The following USP45 variants were observed in gnomAD, a reference collection of about 807,000 sequenced individuals.
USP45 encodes ubiquitin carboxyl-terminal hydrolase 45.
A neutral mutation model predicts 95.8 loss-of-function variants in USP45; 89 were observed. The ratio of observed to expected loss-of-function variants is 0.93; its 90% confidence interval spans 0.78 to 1.11. The LOEUF (loss-of-function observed/expected upper bound fraction) is 1.11, where lower values mean the gene tolerates loss of function less well. Ranked by LOEUF, USP45 falls within the 50% of genes least tolerant of loss-of-function variation. USP45 has a pLI of 0.00. For synonymous variants in USP45, 281 were observed against 316.2 expected, an observed-to-expected ratio of 0.89 and a Z score of 1.18; for missense variants, 898 against 942.5, an observed-to-expected ratio of 0.95 and a Z score of 0.62.
rs541154052 is a variant in USP45 at position 99,482,584 on chromosome 6, G to A, written c.845+169C>T. On this transcript the variant is annotated intron_variant, in intron 8 of 17. Coordinates refer to ENST00000500704, the MANE Select transcript of USP45 (RefSeq NM_001346022.3). ...ATGAGGATAAGCTGCTTCTTCTGAG[G>A]ACTGAGATATAATTTTCATAAAGCA... 3.0e-5 allele frequency: 16 copies of A among 540,514 alleles called. No homozygotes were observed. In the East Asian group the frequency reaches 5.1e-4, roughly 17 times the overall value. The allele number at this position is 540,514 out of a possible 1,614,324, so 33.5% of individuals were successfully genotyped here. A position where few individuals can be genotyped will look rare whatever the true frequency, so the allele number is the denominator to read the frequency against.
intron 15 of USP45, among the ~76,000 whole-genome samples, chr6:99,441,835 T>C (rs564869022): frequency 7.2e-5 from 11 of 152,350 alleles, no homozygotes; most frequent in African/African-American, 2.6e-4. Context: ...ATTTTTCTTA[T>C]TGATCTTTAA....
At chr6:99,448,156 A>G (rs1288145673) in intron 13 of USP45, among the ~76,000 whole-genome samples, 1 of 152,250 alleles carries the variant, frequency 6.6e-6, no homozygotes, top group Non-Finnish European at 1.5e-5. Flanking sequence ...AAAGGAACAC[A>G]GCTCCTCGCC....
rs1374979036 is a variant in USP45 at position 99,462,530 on chromosome 6, A to G, written c.1308+2074T>C. ...ATGCTTTAACCTTTTCAAACTCTGT[A>G]AGATGCTTTGTTTTATACCATTAGA... On this transcript the variant is annotated intron_variant, in intron 13 of 17. Transcript: ENST00000500704. 4 of 985,306 alleles carry G rather than the reference A, an allele frequency of 4.1e-6. No individual in the cohort carries two copies. The East Asian group carries it at 4.5e-4, about 111-fold the overall frequency. 61.0% of individuals were successfully genotyped at this position (985,306 alleles called of 1,614,324 possible). A position where few individuals can be genotyped will look rare whatever the true frequency, so the allele number is the denominator to read the frequency against.
chr6:99,476,579 T>C (rs1020627608), intron 8 of USP45, among the ~76,000 whole-genome samples: 4 of 152,252 alleles, frequency 2.6e-5, no homozygotes, highest in African/African-American at 9.6e-5. Flanking sequence ...CTATCATTTA[T>C]TAAGCAACTA....
intron 15 of USP45, 94 bp from the exon 16 acceptor site, chr6:99,439,949 T>A: frequency 3.4e-6 from 3 of 871,364 alleles, no homozygotes; most frequent in Non-Finnish European, 5.1e-6. Context: ...TAGGACTTAG[T>A]TTTTTCATAG....
Position 99,456,854 on chromosome 6 carries a change from G to A in USP45, c.1308+7750C>T, listed in dbSNP as rs567999521. 1.6e-4 allele frequency among the ~76,000 whole-genome samples: 24 copies of A among 152,316 alleles called. No individual in the cohort carries two copies. The East Asian group carries it at 3.3e-3, about 21-fold the overall frequency. On this transcript the variant is annotated intron_variant, in intron 13 of 17. Coordinates refer to ENST00000500704, the MANE Select transcript of USP45 (RefSeq NM_001346022.3). Reference sequence around the variant, plus strand: ...AAACTCTGACCTCTGGTGAGCTGGCGGAACAGAGCCATATTTCTCTTCTTT... The same window carrying A: ...AAACTCTGACCTCTGGTGAGCTGGCAGAACAGAGCCATATTTCTCTTCTTT...
intron 7 of USP45, among the ~76,000 whole-genome samples, chr6:99,484,035 G>A (rs1793186254): frequency 1.6e-5 from 1 of 62,018 alleles, no homozygotes; most frequent in Admixed American, 2.0e-4. Flanking sequence ...TAAAGAGACA[G>A]GGTTGCCCAG....
chr6:99,510,104 C>T lies in USP45; in HGVS notation c.100+17G>A. On this transcript the variant is annotated intron_variant, in intron 2 of 17. Transcript: ENST00000500704. ...TTCTTCTCAACACTATTTGGGATGC[C>T]ATATATCACAATTTACCAGCAATAT... 1 of 1,557,722 alleles carries T rather than the reference C, an allele frequency of 6.4e-7. No homozygotes were observed. Among genetic ancestry groups the T allele is most frequent in the South Asian group, 1.1e-5 (1 of 89,502 alleles).
intron 5 of USP45, among the ~76,000 whole-genome samples, chr6:99,502,168 T>C (rs190669893): frequency 5.3e-5 from 8 of 152,312 alleles, no homozygotes; most frequent in Non-Finnish European, 1.5e-5. Context: ...ACCAATACTC[T>C]TGTGTATATT....
At position 99,432,756 on chromosome 6, in the gene USP45, C is replaced by G. The variant is rs1336012302; in HGVS notation, c.*2960G>C. The G allele has an allele frequency of 1.3e-5, 2 of 152,492 alleles. No homozygotes were observed. Among genetic ancestry groups the G allele is most frequent in the Non-Finnish European group, 2.9e-5 (2 of 67,998 alleles). The allele number at this position is 152,492 out of a possible 1,614,324, so 9.4% of individuals were successfully genotyped here. On this transcript the variant is annotated 3_prime_UTR_variant, in exon 18 of 18. Coordinates refer to ENST00000500704, the MANE Select transcript of USP45 (RefSeq NM_001346022.3). Reference sequence around the variant, plus strand: ...TCAATACATGCAGAAAAATAAATTACAAACGTGAATTTTTAAAAGGAATCA... The same window carrying G: ...TCAATACATGCAGAAAAATAAATTAGAAACGTGAATTTTTAAAAGGAATCA...
At chr6:99,470,396 C>T (rs1214427800) in intron 9 of USP45, among the ~76,000 whole-genome samples, 1 of 152,120 alleles carries the variant, frequency 6.6e-6, no homozygotes, top group East Asian at 1.9e-4. Context: ...AATTGTGAAA[C>T]CGAGTTTCAC....
chr6:99,515,923 C>T (rs912843179), upstream of USP45, among the ~76,000 whole-genome samples: 1 of 151,960 alleles, frequency 6.6e-6, no homozygotes, highest in Non-Finnish European at 1.5e-5. Context: ...TACAGGCGCC[C>T]GCCATCACGC....
chr6:99,474,322 C>A (rs1213401448), intron 9 of USP45, among the ~76,000 whole-genome samples: 3 of 152,124 alleles, frequency 2.0e-5, no homozygotes, highest in Non-Finnish European at 4.4e-5. Context: ...CTCAGCCACC[C>A]AAGAAGCTGG....
chr6:99,456,947 T>C lies in USP45; in HGVS notation c.1308+7657A>G, dbSNP rs186498620. On this transcript the variant is annotated intron_variant, in intron 13 of 17. Transcript: ENST00000500704. The stretch of plus-strand genomic sequence containing the variant: ...CAAGGAACATACCTGAGAAAGAGAA[T>C]GCGTGCCTGGGGGTAGGCCTATGAA... Among the ~76,000 whole-genome samples, 28 of 152,328 alleles carry C rather than the reference T, an allele frequency of 1.8e-4. No homozygotes were observed. In the East Asian group the frequency reaches 3.1e-3, roughly 17 times the overall value.
chr6:99,494,618 G>A (rs1345074481), intron 5 of USP45, among the ~76,000 whole-genome samples: 1 of 152,088 alleles, frequency 6.6e-6, no homozygotes, highest in African/African-American at 2.4e-5. Flanking sequence ...TTCAAGGCTG[G>A]GTGTGATGGC....
At chr6:99,490,833 G>A (rs1410636553) in intron 5 of USP45, among the ~76,000 whole-genome samples, 2 of 152,200 alleles carry the variant, frequency 1.3e-5, no homozygotes, top group African/African-American at 4.8e-5. Context: ...GGAGCAGGAA[G>A]TGCTGGGATT....
chr6:99,466,140 C>A (rs891370172), intron 11 of USP45, among the ~76,000 whole-genome samples: 7 of 152,022 alleles, frequency 4.6e-5, no homozygotes, highest in Non-Finnish European at 1.0e-4. Context: ...CTCAGCCTCC[C>A]GAGTCATTGG....
At chr6:99,470,800 A>C (rs1789212934) in intron 9 of USP45, among the ~76,000 whole-genome samples, 1 of 152,218 alleles carries the variant, frequency 6.6e-6, no homozygotes, top group African/African-American at 2.4e-5. Context: ...AATGAACTTA[A>C]ATGAAAAATT....
At chr6:99,514,127 A>G (rs997472148) in intron 1 of USP45, among the ~76,000 whole-genome samples, 2 of 152,328 alleles carry the variant, frequency 1.3e-5, no homozygotes, top group South Asian at 2.1e-4. Context: ...GGGACTCAAC[A>G]TATAGTTGAA....
Sources: allele counts gnomAD v4.1 joint callset (sites outside exome capture counted in the v4.1 genomes callset), GRCh38; gene constraint gnomAD v4.1.1; transcripts MANE v1.5; gene names NCBI Gene and HGNC (gene_info 2026-07-23, HGNC 2026-07-21).